MAPK8: variants seen among roughly 807,000 people sequenced by gnomAD.
MAPK8 encodes JUN N-terminal kinase.
In MAPK8, 13 loss-of-function variants were observed where a neutral mutation model predicts 52.9. That is an observed-to-expected ratio of 0.25 (90% CI 0.16 to 0.39). The LOEUF is 0.39. MAPK8 is among the 10% of genes least tolerant of loss of function. The pLI is 1.00. For missense variants in MAPK8, 300 were observed against 519.2 expected, an observed-to-expected ratio of 0.58 and a Z score of 4.10; for synonymous variants, 191 against 169.8, an observed-to-expected ratio of 1.12 and a Z score of -0.97.
intron 1 of MAPK8, among the ~76,000 whole-genome samples, chr10:48,349,355 A>C (rs558305608): frequency 6.6e-6 from 1 of 152,302 alleles, no homozygotes; most frequent in East Asian, 1.9e-4. Context: ...TTATTCTAAA[A>C]TTGACCACAT....
intron 1 of MAPK8, among the ~76,000 whole-genome samples, chr10:48,345,767 A>G (rs1845711578): frequency 6.6e-6 from 1 of 152,184 alleles, no homozygotes; most frequent in Non-Finnish European, 1.5e-5. Context: ...TTATTACCTT[A>G]TGTATTTCAG....
At chr10:48,427,384 G>T (rs2043751566) in intron 10 of MAPK8, 4 of 395,828 alleles carry the variant, frequency 1.0e-5, no homozygotes, top group Non-Finnish European at 1.9e-5. Flanking sequence ...TTTTTCCATG[G>T]TTTGTGAATA....
intron 1 of MAPK8, among the ~76,000 whole-genome samples, chr10:48,385,613 GTTT>G (rs138020774): frequency 6.7e-6 from 1 of 149,714 alleles, no homozygotes. Flanking sequence ...TAAAAAATGA[GTTT>G]TTTTTTTAAT....
chr10:48,420,523 G>A lies in MAPK8; in HGVS notation c.616+203G>A, dbSNP rs78616158. On this transcript the variant is annotated intron_variant, in intron 6 of 11. Transcript: ENST00000374189. ...TTGGGGCCCTTATTTGTTTAAATACGGATACATAACATCAGTACTACCATT... is the reference window on the plus strand; with the variant it reads ...TTGGGGCCCTTATTTGTTTAAATACAGATACATAACATCAGTACTACCATT... Among the ~76,000 whole-genome samples, 956 of 152,162 alleles carry A rather than the reference G, an allele frequency of 6.3e-3. 5 individuals carry two copies. Among genetic ancestry groups the A allele is most frequent in the East Asian group, 0.017 (89 of 5,184 alleles).
rs184653094 is a variant in MAPK8 at position 48,327,044 on chromosome 10, G to A, written c.-50+20223G>A. Among the ~76,000 whole-genome samples the A allele has an allele frequency of 3.5e-3, 530 of 152,048 alleles. 2 individuals are homozygous for A. Among genetic ancestry groups the A allele is most frequent in the Admixed American group, 7.3e-3 (112 of 15,284 alleles). On this transcript the variant is annotated intron_variant, in intron 1 of 11. Transcript: ENST00000374189. ...CAGTTTTATTTCTTTTCCCCCCTCC[G>A]TCTGCATGCCTTTTCTTCCCTTTTA...
At chr10:48,406,060 C>T (rs899584735) in intron 3 of MAPK8, among the ~76,000 whole-genome samples, 6 of 151,996 alleles carry the variant, frequency 3.9e-5, no homozygotes, top group African/African-American at 9.7e-5. Flanking sequence ...AAAAGAGGGA[C>T]GATTTCTGTG....
intron 6 of MAPK8, 38 bp downstream of exon 6, chr10:48,420,358 T>C: frequency 1.3e-6 from 2 of 1,533,028 alleles, no homozygotes; most frequent in Non-Finnish European, 1.8e-6. Context: ...TTTTCTGATT[T>C]AGCTTTTTTC....
chr10:48,311,508 C>T (rs576671973), intron 1 of MAPK8, among the ~76,000 whole-genome samples: 23 of 152,306 alleles, frequency 1.5e-4, no homozygotes, highest in Admixed American at 1.2e-3. Flanking sequence ...ATTGCCTAAG[C>T]TTTCCTAGGT....
At chr10:48,420,723 C>T (rs2043306030) in intron 6 of MAPK8, among the ~76,000 whole-genome samples, 1 of 152,150 alleles carries the variant, frequency 6.6e-6, no homozygotes, top group Non-Finnish European at 1.5e-5. Flanking sequence ...AACTAAAGCT[C>T]ATAGCAGTAG....
intron 1 of MAPK8, among the ~76,000 whole-genome samples, chr10:48,383,307 T>C (rs2041121043): frequency 6.6e-6 from 1 of 152,158 alleles, no homozygotes; most frequent in African/African-American, 2.4e-5. Flanking sequence ...ACATTTTTGC[T>C]TGACTGTACT....
At chr10:48,417,275 A>G (rs570184786) in intron 5 of MAPK8, among the ~76,000 whole-genome samples, 1 of 152,260 alleles carries the variant, frequency 6.6e-6, no homozygotes, top group African/African-American at 2.4e-5. Flanking sequence ...AGTTCCTTTC[A>G]TAGTATCTTT....
At chr10:48,414,782 A>G (rs181466623) in intron 5 of MAPK8, among the ~76,000 whole-genome samples, 291 of 151,892 alleles carry the variant, frequency 1.9e-3, no homozygotes, top group African/African-American at 6.6e-3. Flanking sequence ...GGGTCTTGCC[A>G]TATTGCCCAG....
In MAPK8 at chr10:48,436,035, G is replaced by A. The variant is rs1174541951; in HGVS notation, c.*1006G>A. ...TGGAGTGTCTGTCAGTTGAGCACCA[G>A]TTGTTCTGGTGTTTCATTTGATTCT... On this transcript the variant is annotated 3_prime_UTR_variant, in exon 12 of 12. Coordinates refer to ENST00000374189, the MANE Select transcript of MAPK8 (RefSeq NM_001323329.2). 1.3e-5 allele frequency: 2 copies of A among 152,136 alleles called. No homozygotes were observed. The highest frequency in any genetic ancestry group is 1.3e-4 in the Admixed American group (2 of 15,260). 9.4% of individuals were successfully genotyped at this position (152,136 alleles called of 1,614,324 possible). A position where few individuals can be genotyped will look rare whatever the true frequency, so the allele number is the denominator to read the frequency against.
intron 1 of MAPK8, among the ~76,000 whole-genome samples, chr10:48,390,992 C>T (rs2041591870): frequency 6.6e-6 from 1 of 152,042 alleles, no homozygotes; most frequent in Admixed American, 6.6e-5. Context: ...TAGGTTAGAG[C>T]TGGTTTGAAT....
chr10:48,370,636 G>A, intron 1 of MAPK8, among the ~76,000 whole-genome samples: 1 of 152,122 alleles, frequency 6.6e-6, no homozygotes, highest in East Asian at 1.9e-4. Context: ...AACACTAAAG[G>A]GGAATGGACC....
chr10:48,311,954 G>A (rs192589405), intron 1 of MAPK8, among the ~76,000 whole-genome samples: 50 of 152,314 alleles, frequency 3.3e-4, no homozygotes, highest in African/African-American at 1.2e-3. Context: ...ATAGAAGTCA[G>A]TTTCTACCCT....
chr10:48,325,409 A>G (rs1191882652), intron 1 of MAPK8, among the ~76,000 whole-genome samples: 5 of 152,178 alleles, frequency 3.3e-5, no homozygotes, highest in African/African-American at 1.2e-4. Flanking sequence ...AATTTAACCA[A>G]TTTGGAGTAG....
At chr10:48,409,341 G>C (rs1211238961) in intron 3 of MAPK8, among the ~76,000 whole-genome samples, 1 of 152,164 alleles carries the variant, frequency 6.6e-6, no homozygotes, top group African/African-American at 2.4e-5. Flanking sequence ...TAAGGGGTTT[G>C]GGTAGGAATG....
rs116787843 is a variant in MAPK8 at position 48,402,723 on chromosome 10, C to G, written c.122+941C>G. On this transcript the variant is annotated intron_variant, in intron 2 of 11. Coordinates refer to ENST00000374189, the MANE Select transcript of MAPK8 (RefSeq NM_001323329.2). ...ATGTAAACTGTTAAGTATTTATAAT[C>G]CAGTATTTCTCCTAGGTTCTAAAAA... Among the ~76,000 whole-genome samples, 346 of 152,214 alleles carry G rather than the reference C, an allele frequency of 2.3e-3. 2 individuals carry two copies. The highest frequency in any genetic ancestry group is 8.0e-3 in the African/African-American group (333 of 41,538).
Sources: gnomAD v4.1 joint callset for allele counts (sites outside exome capture counted in the v4.1 genomes callset) on GRCh38, gnomAD v4.1.1 for gene constraint, MANE v1.5 for transcripts, NCBI Gene and HGNC (gene_info 2026-07-23, HGNC 2026-07-21) for gene names.